Variants in TTC23 observed in about 807,000 individuals in gnomAD.
The protein encoded by TTC23 is tetratricopeptide repeat domain 23, also known as tetratricopeptide repeat protein 23.
Under a neutral mutation model 55.1 loss-of-function variants are expected in TTC23, and 58 were observed. That is an observed-to-expected ratio of 1.05 (90% CI 0.85 to 1.31). TTC23 has a LOEUF of 1.31. TTC23 is among the 50% of genes most tolerant of loss of function. TTC23 has a pLI of 0.00. For missense variants in TTC23, 516 were observed against 534.4 expected, an observed-to-expected ratio of 0.97 and a Z score of 0.34; for synonymous variants, 203 against 199.9, an observed-to-expected ratio of 1.02 and a Z score of -0.13.
In TTC23 at chr15:99,175,103, G is replaced by T; in HGVS notation, c.812C>A (p.Ser271Ter). 6.2e-7 allele frequency: 1 copy of T among 1,614,184 alleles called. No homozygotes were observed. The highest frequency in any genetic ancestry group is 8.5e-7 in the Non-Finnish European group (1 of 1,180,024). Residue 271 changes from serine (S) to a stop codon, truncating the protein, a stop_gained, in exon 10 of 14, where the codon TCG becomes TAG. Transcript: ENST00000394132. LOFTEE classifies it high-confidence loss of function. The part of the protein sequence containing the change: ...RSPSQVEAAD[S>*]AHIVAHAAVA... ...AGCAGCATGGGCGACGATGTGTGCC[G>T]AGTCTGCTGCCTCCACTTGAGAGGG...
At chr15:99,207,997 C>T (rs2076758298) in intron 8 of TTC23, among the ~76,000 whole-genome samples, 2 of 151,990 alleles carry the variant, frequency 1.3e-5, no homozygotes, top group African/African-American at 4.8e-5. Context: ...CCCAAAGAGA[C>T]TTATATAAGC....
At chr15:99,170,592 G>A (rs549538750) in intron 10 of TTC23, among the ~76,000 whole-genome samples, 1 of 152,326 alleles carries the variant, frequency 6.6e-6, no homozygotes, top group Non-Finnish European at 1.5e-5. Context: ...CTATGCTGTT[G>A]AGAGCTGTGA....
chr15:99,217,235 C>T (rs2077546481), intron 8 of TTC23, among the ~76,000 whole-genome samples: 1 of 151,848 alleles, frequency 6.6e-6, no homozygotes, highest in Non-Finnish European at 1.5e-5. Flanking sequence ...CTACTCACTG[C>T]AACCTCTGCC....
At chr15:99,236,963 G>A (rs1214536755) in intron 3 of TTC23, among the ~76,000 whole-genome samples, 4 of 149,534 alleles carry the variant, frequency 2.7e-5, no homozygotes, top group Non-Finnish European at 1.5e-5. Flanking sequence ...TAGCACAGGA[G>A]TCATCATTTC....
intron 9 of TTC23, among the ~76,000 whole-genome samples, chr15:99,197,770 G>A (rs2075867884): frequency 6.6e-6 from 1 of 151,928 alleles, no homozygotes; most frequent in Admixed American, 6.6e-5. Context: ...GCCAGGCATG[G>A]TGGCGGGCGC....
At chr15:99,146,702 C>T (rs1270801070) in intron 12 of TTC23, among the ~76,000 whole-genome samples, 1 of 152,222 alleles carries the variant, frequency 6.6e-6, no homozygotes, top group African/African-American at 2.4e-5. Context: ...CAAATGTAGC[C>T]TTGTCAGTGG....
intron 1 of TTC23, among the ~76,000 whole-genome samples, chr15:99,248,909 A>G (rs565549679): frequency 6.6e-6 from 1 of 152,178 alleles, no homozygotes; most frequent in Non-Finnish European, 1.5e-5. Flanking sequence ...TTGTTCAGCC[A>G]TTAGCAGATC....
At chr15:99,161,546 A>G (rs540466509) in intron 11 of TTC23, among the ~76,000 whole-genome samples, 194 bp downstream of exon 11, 1 of 152,324 alleles carries the variant, frequency 6.6e-6, no homozygotes, top group South Asian at 2.1e-4. Context: ...ATTCTCATAA[A>G]GTCTCCCAGC....
intron 9 of TTC23, among the ~76,000 whole-genome samples, chr15:99,199,425 A>AC: frequency 6.6e-6 from 1 of 151,008 alleles, no homozygotes; most frequent in African/African-American, 2.4e-5. Flanking sequence ...AAAAAAAAAA[A>AC]AATCTAAAAC....
intron 3 of TTC23, among the ~76,000 whole-genome samples, chr15:99,239,202 G>A (rs1004258747): frequency 3.3e-5 from 5 of 152,156 alleles, no homozygotes; most frequent in Non-Finnish European, 7.4e-5. Context: ...GTTAAAGGTC[G>A]GCTGGGCATG....
At chr15:99,211,834 C>T (rs530955184) in intron 8 of TTC23, among the ~76,000 whole-genome samples, 15 of 152,224 alleles carry the variant, frequency 9.9e-5, no homozygotes, top group African/African-American at 3.6e-4. Flanking sequence ...CTGATTTGAA[C>T]CCAGGGCTTC....
chr15:99,164,792 G>T (rs900589638), intron 10 of TTC23, among the ~76,000 whole-genome samples: 1 of 152,104 alleles, frequency 6.6e-6, no homozygotes, highest in Non-Finnish European at 1.5e-5. Flanking sequence ...TGGCCTCCAT[G>T]ATCTTCAGGT....
At chr15:99,161,970 A>G in intron 10 of TTC23, 103 bp from the exon 11 acceptor site, 4 of 1,285,808 alleles carry the variant, frequency 3.1e-6, no homozygotes, top group Non-Finnish European at 4.1e-6. Flanking sequence ...GGAAAGAGGT[A>G]TTGGGACAAG....
intron 1 of TTC23, among the ~76,000 whole-genome samples, chr15:99,247,011 T>C (rs1302599260): frequency 1.3e-5 from 2 of 151,962 alleles, no homozygotes; most frequent in African/African-American, 2.4e-5. Context: ...GGCAAAATAT[T>C]TGAAAGACAT....
chr15:99,168,743 A>T (rs2072500658), intron 10 of TTC23, among the ~76,000 whole-genome samples: 1 of 152,178 alleles, frequency 6.6e-6, no homozygotes, highest in Non-Finnish European at 1.5e-5. Flanking sequence ...GTCAACGCAC[A>T]AACTTGGGTG....
At chr15:99,154,160 G>A (rs1703770) in intron 12 of TTC23, among the ~76,000 whole-genome samples, 45,880 of 152,028 alleles carry the variant, frequency 0.3, 7,927 homozygotes, top group African/African-American at 0.48. Context: ...CAAAGAATGC[G>A]GAGTTTCAAT....
At chr15:99,214,956 A>G (rs1596752384) in intron 8 of TTC23, among the ~76,000 whole-genome samples, 1 of 149,074 alleles carries the variant, frequency 6.7e-6, no homozygotes, top group East Asian at 2.0e-4. Flanking sequence ...CTCGGGTTCA[A>G]GCAATTCTCC....
intron 8 of TTC23, among the ~76,000 whole-genome samples, chr15:99,203,300 T>C (rs1243231637): frequency 6.6e-6 from 1 of 152,038 alleles, no homozygotes; most frequent in Non-Finnish European, 1.5e-5. Flanking sequence ...AAGCTCCAAG[T>C]GGATTAGAGG....
chr15:99,214,133 G>A (rs1410199280), intron 8 of TTC23, among the ~76,000 whole-genome samples: 3 of 152,060 alleles, frequency 2.0e-5, no homozygotes, highest in Admixed American at 2.0e-4. Context: ...TTTATTTAAA[G>A]AGACAGAGTT....
Sources: gnomAD v4.1 joint callset for allele counts (sites outside exome capture counted in the v4.1 genomes callset) on GRCh38, gnomAD v4.1.1 for gene constraint, MANE v1.5 for transcripts, NCBI Gene and HGNC (gene_info 2026-07-23, HGNC 2026-07-21) for gene names.